The following SLC35F3 variants were observed in gnomAD, a reference collection of about 807,000 sequenced individuals.
SLC35F3 encodes the protein solute carrier family 35 member F3, also known as putative thiamine transporter SLC35F3.
Under a neutral mutation model 49.9 loss-of-function variants are expected in SLC35F3, and 25 were observed. The observed-to-expected ratio is 0.50, with a 90% CI of 0.37 to 0.70. SLC35F3 has a LOEUF of 0.70. Ranked by LOEUF, SLC35F3 falls within the 30% of genes least tolerant of loss-of-function variation. The pLI, the probability that SLC35F3 is intolerant of heterozygous loss-of-function variation, is 0.00. For synonymous variants in SLC35F3, 275 were observed against 265.4 expected, an observed-to-expected ratio of 1.04 and a Z score of -0.35; for missense variants, 525 against 639.8, an observed-to-expected ratio of 0.82 and a Z score of 1.94.
intron 2 of SLC35F3, among the ~76,000 whole-genome samples, chr1:234,105,487 C>A (rs1665272848): frequency 6.6e-6 from 1 of 152,138 alleles, no homozygotes; most frequent in Non-Finnish European, 1.5e-5. Flanking sequence ...TTGCAGATAT[C>A]CTATTCCTAT....
chr1:234,276,910 C>T (rs993709440), intron 3 of SLC35F3, among the ~76,000 whole-genome samples: 1 of 152,232 alleles, frequency 6.6e-6, no homozygotes, highest in Non-Finnish European at 1.5e-5. Flanking sequence ...AGCATCTGGC[C>T]TCTTGCCACT....
chr1:234,278,601 T>C (rs1354258848), intron 3 of SLC35F3, among the ~76,000 whole-genome samples: 1 of 152,226 alleles, frequency 6.6e-6, no homozygotes, highest in Non-Finnish European at 1.5e-5. Context: ...TCTTAGTCCT[T>C]TCAGGTTGCT....
chr1:233,952,700 C>A (rs1346893749), intron 2 of SLC35F3, among the ~76,000 whole-genome samples: 1 of 152,158 alleles, frequency 6.6e-6, no homozygotes, highest in South Asian at 2.1e-4. Context: ...TGCCTGTCAA[C>A]TTTGAGAACC....
intron 2 of SLC35F3, among the ~76,000 whole-genome samples, chr1:234,045,687 T>A (rs78976972): frequency 0.011 from 1,641 of 151,812 alleles, 23 homozygotes; most frequent in African/African-American, 0.036. Context: ...TCAAAACCTA[T>A]TATTGTGCCA....
chr1:234,250,819 G>C (rs1001221374), intron 3 of SLC35F3, among the ~76,000 whole-genome samples: 1 of 152,040 alleles, frequency 6.6e-6, no homozygotes, highest in Non-Finnish European at 1.5e-5. Context: ...AGAGGAGGGG[G>C]CACCACACTC....
At position 234,324,299 on chromosome 1, in the gene SLC35F3, G is replaced by C. The variant is rs1436028371; in HGVS notation, c.*1056G>C. On this transcript the variant is annotated 3_prime_UTR_variant, in exon 8 of 8. Coordinates refer to ENST00000366618, the MANE Select transcript of SLC35F3 (RefSeq NM_173508.4). ...GATCTGTAAAGAGGGTCAGGGGTTAGAGTTTACTATTTTTGAAGTTTACAT... is the reference window on the plus strand; with the variant it reads ...GATCTGTAAAGAGGGTCAGGGGTTACAGTTTACTATTTTTGAAGTTTACAT... The C allele has an allele frequency of 1.3e-5, 2 of 152,192 alleles. No homozygotes were observed. The highest frequency in any genetic ancestry group is 6.5e-5 in the Admixed American group (1 of 15,286). 9.4% of individuals were successfully genotyped at this position (152,192 alleles called of 1,614,324 possible). A position where few individuals can be genotyped will look rare whatever the true frequency, so the allele number is the denominator to read the frequency against.
chr1:234,060,315 C>T (rs1441271474), intron 2 of SLC35F3, among the ~76,000 whole-genome samples: 1 of 152,120 alleles, frequency 6.6e-6, no homozygotes, highest in African/African-American at 2.4e-5. Context: ...CATTGCTTGT[C>T]TACTATTGGA....
intron 2 of SLC35F3, among the ~76,000 whole-genome samples, chr1:234,156,016 G>A (rs972542483): frequency 3.3e-5 from 5 of 151,814 alleles, no homozygotes; most frequent in Non-Finnish European, 7.4e-5. Context: ...AAATTAAAAG[G>A]TAAACAACAA....
intron 2 of SLC35F3, among the ~76,000 whole-genome samples, chr1:233,969,263 G>T (rs1344237431): frequency 6.6e-6 from 1 of 152,218 alleles, no homozygotes; most frequent in Non-Finnish European, 1.5e-5. Flanking sequence ...ATCTAAAGGG[G>T]CTATAGGAAT....
chr1:234,277,217 G>A lies in SLC35F3; in HGVS notation c.609-31884G>A, dbSNP rs375431039. Among the ~76,000 whole-genome samples, 633 of 152,342 alleles carry A rather than the reference G, an allele frequency of 4.2e-3. 4 individuals carry two copies. Among genetic ancestry groups the A allele is most frequent in the African/African-American group, 0.015 (604 of 41,568 alleles). ...GGCTCTGTGTGGCCGGCGGTAGGTTGGGGGTTGAGGGGGAGTGTCCTCCCT... is the reference window on the plus strand; with the variant it reads ...GGCTCTGTGTGGCCGGCGGTAGGTTAGGGGTTGAGGGGGAGTGTCCTCCCT... On this transcript the variant is annotated intron_variant, in intron 3 of 7. Coordinates refer to ENST00000366618, the MANE Select transcript of SLC35F3 (RefSeq NM_173508.4).
chr1:233,956,792 G>A (rs1343064654), intron 2 of SLC35F3, among the ~76,000 whole-genome samples: 2 of 152,254 alleles, frequency 1.3e-5, no homozygotes, highest in African/African-American at 4.8e-5. Flanking sequence ...AACCTGGTGG[G>A]AGGTGAGAAT....
rs537013040 is a variant in SLC35F3 at position 233,950,941 on chromosome 1, C to T, written c.283+45183C>T. ...CTTCTAGCTTTTAGAGTAACAAGCT[C>T]TGATGACAGTAACCAAAAGTAAAGA... On this transcript the variant is annotated intron_variant, in intron 2 of 7. Coordinates refer to ENST00000366618, the MANE Select transcript of SLC35F3 (RefSeq NM_173508.4). Among the ~76,000 whole-genome samples, 8 of 152,172 alleles carry T rather than the reference C, an allele frequency of 5.3e-5. No homozygotes were observed. The South Asian group carries it at 1.0e-3, about 20-fold the overall frequency.
intron 2 of SLC35F3, among the ~76,000 whole-genome samples, chr1:234,124,431 C>T (rs1435645179): frequency 1.2e-4 from 18 of 152,180 alleles, no homozygotes; most frequent in Non-Finnish European, 8.8e-5. Flanking sequence ...TTTCTTCTTC[C>T]TCTTCCTCCA....
At chr1:233,980,457 T>C (rs1421989580) in intron 2 of SLC35F3, among the ~76,000 whole-genome samples, 3 of 152,278 alleles carry the variant, frequency 2.0e-5, no homozygotes, top group Middle Eastern at 3.4e-3. Context: ...GGCCTGTGTC[T>C]CCCCAGCCCA....
chr1:234,283,488 T>C (rs1668361596), intron 3 of SLC35F3, among the ~76,000 whole-genome samples: 1 of 152,228 alleles, frequency 6.6e-6, no homozygotes, highest in East Asian at 1.9e-4. Flanking sequence ...TATTGTGGAA[T>C]GCAAAGTAGC....
intron 3 of SLC35F3, chr1:234,261,592 A>G (rs1572121406): frequency 6.6e-6 from 1 of 152,226 alleles, no homozygotes; most frequent in Non-Finnish European, 1.5e-5. Flanking sequence ...CGGCTTCTTT[A>G]TTACATCCTG....
At chr1:234,061,423 C>G (rs190816621) in intron 2 of SLC35F3, among the ~76,000 whole-genome samples, 3 of 152,144 alleles carry the variant, frequency 2.0e-5, no homozygotes, top group African/African-American at 7.2e-5. Context: ...TTTACTGTCA[C>G]GTGTCTGTGA....
At chr1:234,296,299 A>G (rs1342514305) in intron 3 of SLC35F3, among the ~76,000 whole-genome samples, 1 of 151,850 alleles carries the variant, frequency 6.6e-6, no homozygotes, top group Non-Finnish European at 1.5e-5. Context: ...GGATGGTCCT[A>G]TGGGGTCTTT....
intron 2 of SLC35F3, among the ~76,000 whole-genome samples, chr1:233,984,357 GA>G: frequency 6.6e-6 from 1 of 152,356 alleles, no homozygotes; most frequent in East Asian, 1.9e-4. Context: ...CAGTAGAAAG[GA>G]AGGTGTTTCT....
Sources: allele counts gnomAD v4.1 joint callset (sites outside exome capture counted in the v4.1 genomes callset), GRCh38; gene constraint gnomAD v4.1.1; transcripts MANE v1.5; gene names NCBI Gene and HGNC (gene_info 2026-07-23, HGNC 2026-07-21).